The following ANK3 variants were observed in gnomAD, a reference collection of about 807,000 sequenced individuals.
The protein encoded by ANK3 is ankyrin-3.
In ANK3, 57 loss-of-function variants were observed where a neutral mutation model predicts 370.9. The ratio of observed to expected loss-of-function variants is 0.15; its 90% CI spans 0.12 to 0.19. The LOEUF (loss-of-function observed/expected upper bound fraction) is 0.19, where lower values mean the gene tolerates loss of function less well. ANK3 is among the 10% of genes least tolerant of loss of function. ANK3 has a pLI of 1.00. For synonymous variants in ANK3, 1,929 were observed against 1,946.3 expected, an observed-to-expected ratio of 0.99 and a Z score of 0.23; for missense variants, 4,439 against 5,302.1, an observed-to-expected ratio of 0.84 and a Z score of 5.06.
chr10:60,213,660 T>C (rs969373722), intron 8 of ANK3, 150 bp from the exon 9 acceptor site: 4 of 443,584 alleles, frequency 9.0e-6, no homozygotes, highest in African/African-American at 2.0e-5. Context: ...TAATTCCTTA[T>C]TTTAGGTTGA....
intron 2 of ANK3, among the ~76,000 whole-genome samples, chr10:60,502,612 T>A (rs2075828639): frequency 6.6e-6 from 1 of 151,912 alleles, no homozygotes; most frequent in Non-Finnish European, 1.5e-5. Context: ...GCCAAAAGTT[T>A]CAGGCTGCAG....
chr10:60,375,970 G>C (rs549310425), intron 1 of ANK3, among the ~76,000 whole-genome samples: 6 of 152,246 alleles, frequency 3.9e-5, no homozygotes, highest in Admixed American at 1.3e-4. Flanking sequence ...CACTGCATTG[G>C]GATGGCCACT....
At chr10:60,306,435 A>G (rs1188773165) in intron 1 of ANK3, among the ~76,000 whole-genome samples, 1 of 61,646 alleles carries the variant, frequency 1.6e-5, no homozygotes. Context: ...GTGCATATAT[A>G]TATATATATA....
intron 43 of ANK3, among the ~76,000 whole-genome samples, chr10:60,033,270 C>T (rs10821657): frequency 0.39 from 59,691 of 151,200 alleles, 13,336 homozygotes; most frequent in Non-Finnish European, 0.52. Context: ...GAGGCCAAGC[C>T]GGGGGCAGGG....
intron 28 of ANK3, among the ~76,000 whole-genome samples, chr10:60,094,974 A>T (rs957839527): frequency 3.9e-5 from 6 of 152,246 alleles, no homozygotes. Flanking sequence ...TCAGTGCTGG[A>T]AAATAGAGAA....
At chr10:60,049,766 C>T (rs979157408) in intron 42 of ANK3, among the ~76,000 whole-genome samples, 40 of 152,148 alleles carry the variant, frequency 2.6e-4, no homozygotes, top group African/African-American at 9.7e-4. Flanking sequence ...AGCTAACTTG[C>T]TGGTGCATAT....
chr10:60,265,573 T>A (rs957701857), intron 5 of ANK3, among the ~76,000 whole-genome samples: 1 of 118,186 alleles, frequency 8.5e-6, no homozygotes, highest in African/African-American at 3.0e-5. Context: ...CAAAAGGGCA[T>A]TTTTTTTTTA....
chr10:60,676,299 G>T (rs2079124763), intron 1 of ANK3, among the ~76,000 whole-genome samples: 1 of 152,026 alleles, frequency 6.6e-6, no homozygotes, highest in Non-Finnish European at 1.5e-5. Flanking sequence ...ATAGAAATTG[G>T]CTTAAAAGGA....
At chr10:60,186,233 T>TA (rs58584299) in intron 17 of ANK3, among the ~76,000 whole-genome samples, 8,750 of 152,246 alleles carry the variant, frequency 0.057, 790 homozygotes, top group African/African-American at 0.19. Context: ...TTTATGTTAC[T>TA]ACAAAAACTT....
At chr10:60,174,344 G>A (rs1016906153) in intron 18 of ANK3, among the ~76,000 whole-genome samples, 2 of 152,154 alleles carry the variant, frequency 1.3e-5, no homozygotes, top group Non-Finnish European at 1.5e-5. Flanking sequence ...ATAGGAAACT[G>A]ACTTACAACC....
chr10:60,597,428 G>A (rs998284994), intron 2 of ANK3, among the ~76,000 whole-genome samples: 1 of 152,136 alleles, frequency 6.6e-6, no homozygotes, highest in African/African-American at 2.4e-5. Flanking sequence ...AGGCAAATAT[G>A]TTATCTACCT....
intron 8 of ANK3, among the ~76,000 whole-genome samples, chr10:60,228,793 G>A (rs1204992091): frequency 6.6e-6 from 1 of 152,102 alleles, no homozygotes; most frequent in African/African-American, 2.4e-5. Flanking sequence ...TTAAGAAACA[G>A]TAGGAGAAAA....
chr10:60,717,580 C>T (rs1255912685), intron 1 of ANK3, among the ~76,000 whole-genome samples: 1 of 152,184 alleles, frequency 6.6e-6, no homozygotes, highest in Non-Finnish European at 1.5e-5. Context: ...GAACCAAGCA[C>T]TGAGCTTTAC....
chr10:60,183,177 G>A (rs75997012), intron 17 of ANK3, among the ~76,000 whole-genome samples: 3,967 of 152,206 alleles, frequency 0.026, 163 homozygotes, highest in African/African-American at 0.09. Flanking sequence ...TCAATAAAGG[G>A]CCAAGTTATT....
chr10:60,121,628 T>G (rs2093478363), intron 25 of ANK3, among the ~76,000 whole-genome samples: 1 of 150,680 alleles, frequency 6.6e-6, no homozygotes, highest in Non-Finnish European at 1.5e-5. Flanking sequence ...GAGGTGGAGG[T>G]TGCAGTGAGC....
At chr10:60,615,352 C>A (rs2078254312) in intron 1 of ANK3, 2 of 482,804 alleles carry the variant, frequency 4.1e-6, no homozygotes, top group South Asian at 5.3e-5. Context: ...AAGGGGAGAA[C>A]ACAAAGTAAA....
At chr10:60,234,825 GGT>G in intron 7 of ANK3, 39 bp from the exon 8 acceptor site, 1 of 1,423,588 alleles carries the variant, frequency 7.0e-7, no homozygotes, top group Non-Finnish European at 9.9e-7. Context: ...TGATATTTTT[GGT>G]TTCAACAAAA....
chr10:60,475,705 G>A (rs1414248034), intron 2 of ANK3, among the ~76,000 whole-genome samples: 2 of 152,126 alleles, frequency 1.3e-5, no homozygotes, highest in African/African-American at 4.8e-5. Flanking sequence ...ATTACTAAGT[G>A]ATAATTATTC....
intron 1 of ANK3, among the ~76,000 whole-genome samples, chr10:60,660,966 A>G (rs1389105444): frequency 2.6e-5 from 4 of 151,870 alleles, no homozygotes; most frequent in African/African-American, 9.7e-5. Context: ...CACATAATGT[A>G]CAACCAATCA....
Sources: gnomAD v4.1 joint callset for allele counts (sites outside exome capture counted in the v4.1 genomes callset) on GRCh38, gnomAD v4.1.1 for gene constraint, MANE v1.5 for transcripts, NCBI Gene and HGNC (gene_info 2026-07-23, HGNC 2026-07-21) for gene names.